Variants in DLEC1 observed in about 807,000 individuals in gnomAD.
DLEC1 encodes the protein DLEC1 cilia and flagella associated protein, also known as deleted in lung and esophageal cancer protein 1.
In DLEC1, 146 loss-of-function variants were observed where a neutral mutation model predicts 198.1. The ratio of observed to expected loss-of-function variants is 0.74; its 90% confidence interval spans 0.64 to 0.85. The LOEUF (loss-of-function observed/expected upper bound fraction) is 0.85, where lower values mean the gene tolerates loss of function less well. Ranked by LOEUF, DLEC1 falls within the 40% of genes least tolerant of loss-of-function variation. The pLI, the probability that DLEC1 is intolerant of heterozygous loss-of-function variation, is 0.00. For missense variants in DLEC1, 2,233 were observed against 2,220.0 expected, an observed-to-expected ratio of 1.01 and a Z score of -0.12; for synonymous variants, 897 against 866.8, an observed-to-expected ratio of 1.03 and a Z score of -0.61.
chr3:38,082,622 C>G (rs1264820188), intron 6 of DLEC1, among the ~76,000 whole-genome samples: 1 of 152,010 alleles, frequency 6.6e-6, no homozygotes, highest in Admixed American at 6.5e-5. Flanking sequence ...GCGGGACTTG[C>G]CGCTAAGGGT....
intron 11 of DLEC1, among the ~76,000 whole-genome samples, chr3:38,093,089 A>G (rs1478622429): frequency 6.6e-6 from 1 of 152,158 alleles, no homozygotes; most frequent in Non-Finnish European, 1.5e-5. Flanking sequence ...TGTGGCCTCC[A>G]AGACAGTCCA....
chr3:38,068,306 T>C (rs916925274), intron 6 of DLEC1, among the ~76,000 whole-genome samples: 3 of 152,122 alleles, frequency 2.0e-5, no homozygotes, highest in Non-Finnish European at 2.9e-5. Flanking sequence ...CTTGGCTCAC[T>C]GCAACCTCTG....
chr3:38,058,468 C>T (rs1696500353), intron 2 of DLEC1, among the ~76,000 whole-genome samples: 2 of 152,146 alleles, frequency 1.3e-5, no homozygotes. Flanking sequence ...TGTGGAAATG[C>T]CCACTCCCAG....
At chr3:38,068,811 A>G (rs1261580476) in intron 6 of DLEC1, among the ~76,000 whole-genome samples, 1 of 152,232 alleles carries the variant, frequency 6.6e-6, no homozygotes, top group Non-Finnish European at 1.5e-5. Flanking sequence ...TCACTCCAGG[A>G]AAACCAAAAA....
rs764023384 is a variant in DLEC1, at chr3:38,116,650, G to A, written c.4054G>A (p.Asp1352Asn). ...SSSSEFSHET[D>N]SSVEGSSSAS... ...TTCATCGGAATTCAGCCATGAAACTGACTCATCAGTGAGCAGGGGTGGAGG... is the reference window on the plus strand; with the variant it reads ...TTCATCGGAATTCAGCCATGAAACTAACTCATCAGTGAGCAGGGGTGGAGG... The change falls in exon 28 of 37, where the codon GAC becomes AAC. Residue 1352 changes from aspartate to asparagine, a missense_variant. Transcript: ENST00000308059. 6 of 1,614,100 alleles carry A rather than the reference G, an allele frequency of 3.7e-6. No homozygotes were observed. Among genetic ancestry groups the A allele is most frequent in the Middle Eastern group, 1.7e-4 (1 of 6,058 alleles).
chr3:38,092,058 T>A (rs1698770781), intron 10 of DLEC1, among the ~76,000 whole-genome samples: 1 of 152,226 alleles, frequency 6.6e-6, no homozygotes, highest in Non-Finnish European at 1.5e-5. Context: ...GCTCACTGCA[T>A]CCTCTAACTC....
At chr3:38,108,896 G>A (rs1350749205) in intron 21 of DLEC1, among the ~76,000 whole-genome samples, 2 of 152,224 alleles carry the variant, frequency 1.3e-5, no homozygotes, top group African/African-American at 4.8e-5. Flanking sequence ...GAGGCTAACT[G>A]GTACCTAGGT....
chr3:38,070,020 A>C (rs1331612031), intron 6 of DLEC1, among the ~76,000 whole-genome samples: 1 of 152,226 alleles, frequency 6.6e-6, no homozygotes, highest in Admixed American at 6.5e-5. Flanking sequence ...CTGTCATGTT[A>C]TAATTTATAC....
At position 38,092,832 on chromosome 3, in the gene DLEC1, TTCA is replaced by T. The variant is rs1698811172; in HGVS notation, c.1716_1718del (p.Ile572del). 1.2e-6 allele frequency: 2 copies of T among 1,613,556 alleles called. No individual in the cohort carries two copies. Among genetic ancestry groups the T allele is most frequent in the Non-Finnish European group, 1.7e-6 (2 of 1,179,608 alleles). Reference sequence around the variant, plus strand: ...GAGCCTAGGAAAGGCAGAGCAGACCTTCATCATCATGTGCGACAACTGCCAGAT... The same window carrying T: ...GAGCCTAGGAAAGGCAGAGCAGACCTTCATCATGTGCGACAACTGCCAGAT... On this transcript the variant is annotated inframe_deletion, in exon 11 of 37. Transcript: ENST00000308059.
chr3:38,046,707 A>G lies in DLEC1; in HGVS notation c.562+1014A>G, dbSNP rs56358550. Among the ~76,000 whole-genome samples the G allele has an allele frequency of 5.4e-3, 815 of 152,298 alleles. 4 individuals are homozygous for G. Among genetic ancestry groups the G allele is most frequent in the African/African-American group, 0.019 (776 of 41,558 alleles). On this transcript the variant is annotated intron_variant, in intron 2 of 36. Transcript: ENST00000308059. ...GCACCATTTGTCAGGGTTTTTTAACACAAGTGACTCCATTTTGATTCAGAC... is the reference window on the plus strand; with the variant it reads ...GCACCATTTGTCAGGGTTTTTTAACGCAAGTGACTCCATTTTGATTCAGAC...
Position 38,092,774 on chromosome 3 carries a change from C to A in DLEC1, c.1666-16C>A. 1 of 1,613,176 alleles carries A rather than the reference C, an allele frequency of 6.2e-7. No individual in the cohort carries two copies. Among genetic ancestry groups the A allele is most frequent in the African/African-American group, 1.3e-5 (1 of 74,956 alleles). ...CCTTTAATGGGAGGTAACGGAACAACCCTTCTCTCCCCCAGGTCTTGTTTT... is the reference window on the plus strand; with the variant it reads ...CCTTTAATGGGAGGTAACGGAACAAACCTTCTCTCCCCCAGGTCTTGTTTT... On this transcript the variant is annotated splice_polypyrimidine_tract_variant and intron_variant, in intron 10 of 36. Transcript: ENST00000308059.
intron 6 of DLEC1, among the ~76,000 whole-genome samples, 191 bp downstream of exon 6, chr3:38,064,110 A>T (rs1356358113): frequency 6.7e-6 from 1 of 150,344 alleles, no homozygotes; most frequent in Non-Finnish European, 1.5e-5. Context: ...GTCAGCAGAT[A>T]AACATGTGAA....
chr3:38,076,169 G>T (rs899998918), intron 6 of DLEC1, among the ~76,000 whole-genome samples: 1 of 152,226 alleles, frequency 6.6e-6, no homozygotes, highest in Non-Finnish European at 1.5e-5. Flanking sequence ...AAAGGAGAAA[G>T]AGGTTGAGGG....
Position 38,086,259 on chromosome 3 carries a change from G to A in DLEC1, c.1454G>A (p.Cys485Tyr). 6.2e-7 allele frequency: 1 copy of A among 1,612,426 alleles called. No homozygotes were observed. Among genetic ancestry groups the A allele is most frequent in the Non-Finnish European group, 8.5e-7 (1 of 1,179,138 alleles). ...PVLTLSPVLDCGYCLIGGVKM... is the reference protein window; with the variant it reads ...PVLTLSPVLDYGYCLIGGVKM... Reference sequence around the variant, plus strand: ...GCTACAGTGTCACCGGTGTTGGACTGTGGTTACTGCCTCATTGGGGGAGTC... The same window carrying A: ...GCTACAGTGTCACCGGTGTTGGACTATGGTTACTGCCTCATTGGGGGAGTC... Residue 485 changes from cysteine (C) to tyrosine (Y), a missense_variant, in exon 9 of 37, where the codon TGT becomes TAT. By Grantham distance (194) the Cys-to-Tyr change is radical (BLOSUM62 -2). Transcript: ENST00000308059.
intron 9 of DLEC1, 56 bp downstream of exon 9, chr3:38,086,433 C>T (rs367622095): frequency 1.3e-6 from 2 of 1,559,646 alleles, no homozygotes; most frequent in South Asian, 1.2e-5. Flanking sequence ...AAGGAAATAA[C>T]CCCCAGAGGA....
intron 6 of DLEC1, among the ~76,000 whole-genome samples, chr3:38,078,790 G>A (rs1283704833): frequency 6.6e-6 from 1 of 152,202 alleles, no homozygotes; most frequent in African/African-American, 2.4e-5. Flanking sequence ...GGTAGTAGAG[G>A]GAGGTATTGA....
At chr3:38,115,321 C>T (rs939723224) in intron 27 of DLEC1, among the ~76,000 whole-genome samples, 6 of 152,236 alleles carry the variant, frequency 3.9e-5, no homozygotes, top group Non-Finnish European at 8.8e-5. Flanking sequence ...GCTGGGGATA[C>T]AGCGGGGACA....
intron 21 of DLEC1, among the ~76,000 whole-genome samples, 173 bp from the exon 22 acceptor site, chr3:38,109,259 C>T (rs1356462435): frequency 6.6e-6 from 1 of 152,218 alleles, no homozygotes; most frequent in Non-Finnish European, 1.5e-5. Flanking sequence ...AGGAAAGGGC[C>T]AGGCTTCCTG....
chr3:38,061,864 G>T, intron 3 of DLEC1, among the ~76,000 whole-genome samples: 1 of 152,130 alleles, frequency 6.6e-6, no homozygotes, highest in East Asian at 1.9e-4. Flanking sequence ...TAGAGATAGG[G>T]TCTCACTCTC....
Sources: gnomAD v4.1 joint callset for allele counts (sites outside exome capture counted in the v4.1 genomes callset) on GRCh38, gnomAD v4.1.1 for gene constraint, MANE v1.5 for transcripts, NCBI Gene and HGNC (gene_info 2026-07-23, HGNC 2026-07-21) for gene names.